PTPRM: variants seen among roughly 807,000 people sequenced by gnomAD.
PTPRM encodes receptor-type tyrosine-protein phosphatase mu.
PTPRM carries 47 observed loss-of-function variants against 186.7 expected under a neutral mutation model. The ratio of observed to expected loss-of-function variants is 0.25; its 90% CI spans 0.20 to 0.32. The LOEUF (loss-of-function observed/expected upper bound fraction) is 0.32, where lower values mean the gene tolerates loss of function less well. PTPRM is among the 10% of genes least tolerant of loss of function. PTPRM has a pLI of 1.00. For missense variants in PTPRM, 1,494 were observed against 1,865.0 expected (o/e 0.80, Z 3.66); for synonymous variants, 668 against 674.9 (o/e 0.99, Z 0.16).
intron 2 of PTPRM, among the ~76,000 whole-genome samples, chr18:7,840,807 A>C (rs1567898876): frequency 6.6e-6 from 1 of 152,178 alleles, no homozygotes; most frequent in Non-Finnish European, 1.5e-5. Flanking sequence ...AGCTGCTACT[A>C]TTTTGCTTTG....
At chr18:7,720,241 A>G (rs1286089977) in intron 1 of PTPRM, among the ~76,000 whole-genome samples, 1 of 152,186 alleles carries the variant, frequency 6.6e-6, no homozygotes, top group African/African-American at 2.4e-5. Context: ...CCACATATAA[A>G]ATAAACGTAC....
At chr18:7,958,791 G>A (rs996540446) in intron 7 of PTPRM, among the ~76,000 whole-genome samples, 5 of 152,082 alleles carry the variant, frequency 3.3e-5, no homozygotes, top group African/African-American at 4.8e-5. Context: ...CCAAAAATCC[G>A]AGCAAAGGGG....
At chr18:8,378,462 A>T in intron 27 of PTPRM, 48 bp downstream of exon 27, 1 of 1,597,764 alleles carries the variant, frequency 6.3e-7, no homozygotes, top group Non-Finnish European at 8.6e-7. Flanking sequence ...TTGCTCCTCA[A>T]GAAGGATTTC....
chr18:8,251,106 C>G (rs1452971846), intron 17 of PTPRM, among the ~76,000 whole-genome samples: 2 of 152,216 alleles, frequency 1.3e-5, no homozygotes, highest in Admixed American at 1.3e-4. Context: ...CATAATGCAG[C>G]ACAGGATGAT....
At chr18:8,081,771 G>C (rs2090141869) in intron 9 of PTPRM, among the ~76,000 whole-genome samples, 1 of 152,152 alleles carries the variant, frequency 6.6e-6, no homozygotes, top group Non-Finnish European at 1.5e-5. Flanking sequence ...TCACCTTTGT[G>C]ACATTTGGTG....
intron 14 of PTPRM, among the ~76,000 whole-genome samples, chr18:8,210,026 C>T (rs1434833306): frequency 8.3e-6 from 1 of 120,762 alleles, no homozygotes; most frequent in Non-Finnish European, 1.8e-5. Flanking sequence ...AAAAGGTGCT[C>T]GGGCAAGGTG....
At chr18:7,858,672 T>A (rs2047204214) in intron 2 of PTPRM, among the ~76,000 whole-genome samples, 1 of 152,246 alleles carries the variant, frequency 6.6e-6, no homozygotes, top group African/African-American at 2.4e-5. Flanking sequence ...TGTAGAATAC[T>A]TAACGCAGTG....
At chr18:7,772,702 G>T (rs960102730) in intron 1 of PTPRM, among the ~76,000 whole-genome samples, 13 of 152,120 alleles carry the variant, frequency 8.5e-5, no homozygotes, top group Non-Finnish European at 1.6e-4. Context: ...GATAGAAGTT[G>T]GACCAGGTGA....
At chr18:8,009,542 T>A (rs2084391571) in intron 7 of PTPRM, among the ~76,000 whole-genome samples, 1 of 152,086 alleles carries the variant, frequency 6.6e-6, no homozygotes, top group Admixed American at 6.5e-5. Context: ...ACCCCGTCTC[T>A]ACTAAAAATA....
intron 7 of PTPRM, among the ~76,000 whole-genome samples, chr18:8,017,002 A>C (rs551570893): frequency 1.2e-3 from 178 of 152,322 alleles, no homozygotes; most frequent in African/African-American, 4.0e-3. Flanking sequence ...AAGGGTTTGC[A>C]TGTTCATTAT....
chr18:8,377,602 G>GA (rs1259384747), intron 26 of PTPRM: 1 of 151,906 alleles, frequency 6.6e-6, no homozygotes, highest in African/African-American at 2.4e-5. Flanking sequence ...TTTATGTATA[G>GA]AAAAAACCGA....
At chr18:8,060,329 AT>A (rs2088385302) in intron 7 of PTPRM, among the ~76,000 whole-genome samples, 1 of 98,350 alleles carries the variant, frequency 1.0e-5, no homozygotes, top group African/African-American at 3.7e-5. Flanking sequence ...TATTGTGTCT[AT>A]TTGATTCTCC....
intron 1 of PTPRM, among the ~76,000 whole-genome samples, chr18:7,688,540 G>C (rs1053655800): frequency 6.6e-6 from 1 of 152,154 alleles, no homozygotes; most frequent in Non-Finnish European, 1.5e-5. Context: ...GTTAGGTGTT[G>C]GGTAAAACTA....
chr18:7,689,163 A>G (rs2039677669), intron 1 of PTPRM, among the ~76,000 whole-genome samples: 1 of 152,162 alleles, frequency 6.6e-6, no homozygotes, highest in Non-Finnish European at 1.5e-5. Flanking sequence ...AGTAACTGGG[A>G]TTCATGGAAG....
intron 1 of PTPRM, among the ~76,000 whole-genome samples, chr18:7,609,208 C>T (rs1053920749): frequency 3.3e-5 from 5 of 152,206 alleles, no homozygotes; most frequent in African/African-American, 1.2e-4. Context: ...CTGTCTTTCT[C>T]CTGAGATTTG....
intron 2 of PTPRM, among the ~76,000 whole-genome samples, chr18:7,879,501 A>G (rs2048397171): frequency 6.6e-6 from 1 of 152,176 alleles, no homozygotes; most frequent in Admixed American, 6.5e-5. Flanking sequence ...GCCCCAATAC[A>G]TAATGGGTGC....
At chr18:8,266,155 G>A (rs1568631366) in intron 19 of PTPRM, among the ~76,000 whole-genome samples, 1 of 151,968 alleles carries the variant, frequency 6.6e-6, no homozygotes, top group East Asian at 1.9e-4. Flanking sequence ...CCAAAACACT[G>A]GGAAGTCTGC....
chr18:8,300,150 A>G lies in PTPRM; in HGVS notation c.2842+3695A>G, dbSNP rs984693252. Among the ~76,000 whole-genome samples, 7 of 152,218 alleles carry G rather than the reference A, an allele frequency of 4.6e-5. 1 individual carries two copies. The highest frequency in any genetic ancestry group is 1.7e-4 in the African/African-American group (7 of 41,458). ...GCATGAAATAATAGATCTCAGGTCC[A>G]TAAATAAATGGAGAATGTGTTGTGA... On this transcript the variant is annotated intron_variant, in intron 20 of 32. Transcript: ENST00000580170.
chr18:8,043,132 GT>G (rs2086796727), intron 7 of PTPRM, among the ~76,000 whole-genome samples: 2 of 152,128 alleles, frequency 1.3e-5, no homozygotes, highest in Admixed American at 1.3e-4. Flanking sequence ...TCAGCACCTA[GT>G]TCCCTTGCTT....
Sources: allele counts gnomAD v4.1 joint callset (sites outside exome capture counted in the v4.1 genomes callset), GRCh38; gene constraint gnomAD v4.1.1; transcripts MANE v1.5; gene names NCBI Gene and HGNC (gene_info 2026-07-23, HGNC 2026-07-21).